Variants in NBPF11 observed in about 807,000 individuals in gnomAD.
The protein encoded by NBPF11 is NBPF member 11, also known as NBPF family member NBPF11.
In NBPF11, 72 loss-of-function variants were observed where a neutral mutation model predicts 93.9. The ratio of observed to expected loss-of-function variants is 0.77; its 90% CI spans 0.63 to 0.93. The LOEUF is 0.93. NBPF11 is among the 40% of genes least tolerant of loss of function. The pLI is 0.00. For missense variants in NBPF11, 705 were observed against 802.2 expected, an observed-to-expected ratio of 0.88 and a Z score of 1.46; for synonymous variants, 224 against 304.9, an observed-to-expected ratio of 0.73 and a Z score of 2.76.
At chr1:148,126,172 T>C (rs1669063245) in intron 5 of NBPF11, among the ~76,000 whole-genome samples, 1 of 151,812 alleles carries the variant, frequency 6.6e-6, no homozygotes, top group Non-Finnish European at 1.5e-5. Flanking sequence ...ATCTACTTTT[T>C]GTATTTTTAG....
intron 6 of NBPF11, among the ~76,000 whole-genome samples, chr1:148,124,422 G>C (rs879031102): frequency 9.4e-5 from 14 of 148,806 alleles, no homozygotes; most frequent in East Asian, 5.9e-4. Context: ...GCGGCCACTA[G>C]ATACAAAGCC....
intron 2 of NBPF11, among the ~76,000 whole-genome samples, chr1:148,139,141 ATAT>A (rs1396397433): frequency 6.6e-6 from 1 of 151,744 alleles, no homozygotes; most frequent in African/African-American, 2.4e-5. Context: ...TTAACTCCAA[ATAT>A]TATTATGTGA....
Position 148,149,431 on chromosome 1 carries a change from C to G in NBPF11, c.-549+2319G>C, listed in dbSNP as rs1571503243. ...TCGACTTCTCGCACGGGCTGGCGCT[C>G]TACGAGCGCTGCCCCAAGGCGGTGG... On this transcript the variant is annotated intron_variant, in intron 1 of 23. Transcript: ENST00000682118. 9 of 1,582,536 alleles carry G rather than the reference C, an allele frequency of 5.7e-6. No individual in the cohort carries two copies. The East Asian group carries it at 2.0e-4, about 36-fold the overall frequency.
chr1:148,146,926 G>C (rs1673226141), intron 1 of NBPF11: 1 of 1,604,690 alleles, frequency 6.2e-7, no homozygotes, highest in Non-Finnish European at 8.5e-7. Context: ...CACCAGGTGA[G>C]GGCGACCCTG....
intron 10 of NBPF11, among the ~76,000 whole-genome samples, chr1:148,119,746 C>G (rs1667399164): frequency 6.6e-6 from 1 of 151,946 alleles, no homozygotes; most frequent in Admixed American, 6.6e-5. Flanking sequence ...ACCTCAGCCT[C>G]CTGGGTTCAA....
In NBPF11 at chr1:148,150,279, T is replaced by C. The variant is rs1419808953; in HGVS notation, c.-549+1471A>G. ...TGACCACACACAGCTAATTTTTGTA[T>C]TTTTAGTAGAGATGGCATTTTGCCA... is the stretch of plus-strand genomic sequence containing the variant. On this transcript the variant is annotated intron_variant, in intron 1 of 23. Transcript: ENST00000682118. Among the ~76,000 whole-genome samples, 5 of 147,714 alleles carry C rather than the reference T, an allele frequency of 3.4e-5. No individual in the cohort carries two copies. The Admixed American group carries it at 3.4e-4, about 10-fold the overall frequency.
chr1:148,111,108 G>C (rs1487680938), intron 15 of NBPF11, among the ~76,000 whole-genome samples: 1 of 151,524 alleles, frequency 6.6e-6, no homozygotes, highest in African/African-American at 2.4e-5. Flanking sequence ...ATCTCTGTTT[G>C]AGGGTCTGGA....
At chr1:148,121,940 C>T (rs1305619101) in intron 9 of NBPF11, 115 bp downstream of exon 9, 3 of 892,716 alleles carry the variant, frequency 3.4e-6, no homozygotes, top group Non-Finnish European at 5.7e-6. Flanking sequence ...CAGCACCTAG[C>T]TCCATCCTAG....
At chr1:148,122,399 A>G in intron 8 of NBPF11, 133 bp from the exon 9 acceptor site, 1 of 1,456,868 alleles carries the variant, frequency 6.9e-7, no homozygotes, top group East Asian at 2.3e-5. Context: ...TCCCTTTAAG[A>G]GGGAACAGGC....
In NBPF11 at chr1:148,146,991, C is replaced by T. The variant is rs1281924487; in HGVS notation, c.-548-3305G>A. 66 of 1,347,128 alleles carry T rather than the reference C, an allele frequency of 4.9e-5. 1 individual carries two copies. The African/African-American group carries it at 7.6e-4, about 15-fold the overall frequency. The allele number at this position is 1,347,128 out of a possible 1,614,324, so 83.4% of individuals were successfully genotyped here. On this transcript the variant is annotated intron_variant, in intron 1 of 23. Transcript: ENST00000682118. ...GGGGACCAGGCGGGGGGCCGGGGGG[C>T]GGGCTTCCCTGGGAGGAAGGTGGGC...
chr1:148,138,394 C>T lies in NBPF11; in HGVS notation c.-276-585G>A, dbSNP rs1204626125. ...CTCAGCACAGACCCTTTACGGGTGTCGGGCTGGGGGACAGTCAGGTCTTTC... is the reference window on the plus strand; with the variant it reads ...CTCAGCACAGACCCTTTACGGGTGTTGGGCTGGGGGACAGTCAGGTCTTTC... On this transcript the variant is annotated intron_variant, in intron 2 of 23. Coordinates refer to ENST00000682118, the MANE Select transcript of NBPF11 (RefSeq NM_001385469.3). Among the ~76,000 whole-genome samples the T allele has an allele frequency of 2.1e-3, 313 of 151,684 alleles. 6 individuals carry two copies. The highest frequency in any genetic ancestry group is 6.7e-3 in the African/African-American group (274 of 41,086).
intron 17 of NBPF11, 123 bp downstream of exon 17, chr1:148,109,161 T>C: frequency 1.2e-6 from 1 of 802,750 alleles, no homozygotes. Context: ...AACAATGCAG[T>C]AGGCATAATT....
At chr1:148,146,555 G>A in intron 1 of NBPF11, 4 of 1,605,188 alleles carry the variant, frequency 2.5e-6, no homozygotes, top group Non-Finnish European at 3.4e-6. Flanking sequence ...GCCCCCTTGG[G>A]GACCCTGAGA....
intron 14 of NBPF11, among the ~76,000 whole-genome samples, chr1:148,115,317 A>G (rs58119443): frequency 1.5e-4 from 22 of 150,926 alleles, no homozygotes; most frequent in Admixed American, 1.1e-3. Flanking sequence ...AAAAGTTTCC[A>G]TCCTGATTTC....
At chr1:148,144,365 A>G (rs1459014289) in intron 1 of NBPF11, among the ~76,000 whole-genome samples, 3 of 150,764 alleles carry the variant, frequency 2.0e-5, no homozygotes, top group Non-Finnish European at 4.4e-5. Context: ...ATTCTGCTCT[A>G]TACAAGCTAT....
intron 17 of NBPF11, 94 bp downstream of exon 17, chr1:148,109,190 C>T: frequency 1.0e-6 from 1 of 994,780 alleles, no homozygotes; most frequent in Non-Finnish European, 1.6e-6. Flanking sequence ...TCTGACAAGA[C>T]AAAATCATGA....
At position 148,108,589 on chromosome 1, in the gene NBPF11, T is replaced by C. The variant is rs201405250; in HGVS notation, c.1919A>G (p.Tyr640Cys). The change falls in exon 18 of 24, where the codon TAT becomes TGT. Residue 640 changes from tyrosine (Y) to cysteine (C), a missense_variant. Around this residue, in one of 12 missense-constraint regions of NBPF11, gnomAD observed 97 missense variants for 65.0 expected, o/e 1.49. Transcript: ENST00000682118. ...EVLQDSLDRC[Y>C]STPSVYLGLT... is the part of the protein sequence containing the mutation. ...TCCAAGATAAACTGAAGGAGTTGAATAACATCTATCCAGTGAGTCCTGCAA... is the reference window on the plus strand; with the variant it reads ...TCCAAGATAAACTGAAGGAGTTGAACAACATCTATCCAGTGAGTCCTGCAA... 4.8e-5 allele frequency: 75 copies of C among 1,570,552 alleles called. No individual in the cohort carries two copies. Among genetic ancestry groups the C allele is most frequent in the Admixed American group, 5.0e-5 (3 of 59,886 alleles).
At chr1:148,138,395 G>C (rs1462927322) in intron 2 of NBPF11, among the ~76,000 whole-genome samples, 3 of 151,412 alleles carry the variant, frequency 2.0e-5, no homozygotes, top group African/African-American at 7.3e-5. Context: ...TACGGGTGTC[G>C]GGCTGGGGGA....
chr1:148,110,336 C>T, intron 16 of NBPF11, 42 bp downstream of exon 16: 2 of 1,569,146 alleles, frequency 1.3e-6, no homozygotes, highest in Non-Finnish European at 1.7e-6. Flanking sequence ...TCTACCTGGG[C>T]CATGAACTGG....
Sources: gnomAD v4.1 joint callset for allele counts (sites outside exome capture counted in the v4.1 genomes callset) on GRCh38, gnomAD v4.1.1 for gene constraint, gnomAD v4.1.1 regional missense constraint, MANE v1.5 for transcripts, NCBI Gene and HGNC (gene_info 2026-07-23, HGNC 2026-07-21) for gene names.